Variants in RBFOX1 observed in about 807,000 individuals in gnomAD.
RBFOX1 encodes RNA binding protein fox-1 homolog 1.
RBFOX1 carries 8 observed loss-of-function variants against 57.7 expected under a neutral mutation model. The observed-to-expected ratio is 0.14, with a 90% CI of 0.08 to 0.25. The LOEUF (loss-of-function observed/expected upper bound fraction) is 0.25, where lower values mean the gene tolerates loss of function less well. Ranked by LOEUF, RBFOX1 falls within the 10% of genes least tolerant of loss-of-function variation. The pLI is 1.00. For synonymous variants in RBFOX1, 326 were observed against 222.4 expected, an observed-to-expected ratio of 1.47 and a Z score of -4.15; for missense variants, 611 against 548.5, an observed-to-expected ratio of 1.11 and a Z score of -1.14.
intron 2 of RBFOX1, among the ~76,000 whole-genome samples, chr16:5,490,877 T>A (rs1176881040): frequency 6.6e-6 from 1 of 152,190 alleles, no homozygotes; most frequent in African/African-American, 2.4e-5. Context: ...ACAACAAGGA[T>A]ACGTCCTGGG....
intron 1 of RBFOX1, among the ~76,000 whole-genome samples, chr16:6,228,949 C>A (rs1318890176): frequency 1.3e-5 from 2 of 151,808 alleles, no homozygotes; most frequent in Non-Finnish European, 1.5e-5. Flanking sequence ...TAGAAACAAA[C>A]AAAAGTAGAG....
chr16:6,648,987 A>T lies in RBFOX1; in HGVS notation c.-63-5616A>T, dbSNP rs536008627. On this transcript the variant is annotated intron_variant, in intron 2 of 15. Transcript: ENST00000550418. The stretch of plus-strand genomic sequence containing the variant: ...TAGAACACATAACATCTACTTTCTT[A>T]GCAATTTTCAAGATTACAACATGTT... Among the ~76,000 whole-genome samples the T allele has an allele frequency of 3.3e-5, 5 of 152,244 alleles. No homozygotes were observed. The East Asian group carries it at 9.7e-4, about 29-fold the overall frequency.
At chr16:7,401,392 C>G (rs1252161011) in intron 4 of RBFOX1, among the ~76,000 whole-genome samples, 4 of 152,158 alleles carry the variant, frequency 2.6e-5, no homozygotes, top group Non-Finnish European at 5.9e-5. Context: ...GATAAACTTT[C>G]AACTTCAACA....
At chr16:6,887,621 C>T (rs535621701) in intron 3 of RBFOX1, among the ~76,000 whole-genome samples, 10 of 151,714 alleles carry the variant, frequency 6.6e-5, no homozygotes, top group African/African-American at 2.4e-4. Context: ...AGTTAGTAAC[C>T]CTAGTTTTAG....
intron 5 of RBFOX1, among the ~76,000 whole-genome samples, chr16:7,568,572 T>C (rs1248113483): frequency 6.6e-6 from 1 of 152,116 alleles, no homozygotes; most frequent in Non-Finnish European, 1.5e-5. Context: ...GCTGACCTCT[T>C]ATCTCATCCT....
chr16:6,498,666 G>A (rs1374396536), intron 2 of RBFOX1, among the ~76,000 whole-genome samples: 1 of 152,170 alleles, frequency 6.6e-6, no homozygotes, highest in African/African-American at 2.4e-5. Context: ...TTCGATAAGG[G>A]TTTCTAAAGA....
intron 4 of RBFOX1, among the ~76,000 whole-genome samples, chr16:7,327,612 C>G (rs2096627877): frequency 1.3e-5 from 2 of 152,106 alleles, no homozygotes; most frequent in South Asian, 4.2e-4. Context: ...CTGACAGCTT[C>G]TTTTTAGATA....
intron 2 of RBFOX1, among the ~76,000 whole-genome samples, chr16:6,361,840 G>C (rs1267204953): frequency 2.6e-5 from 4 of 152,042 alleles, no homozygotes; most frequent in Middle Eastern, 3.2e-3. Context: ...GGAGTGCTAG[G>C]GAAGGAAAAG....
In RBFOX1 at chr16:5,538,752, G is replaced by T. The variant is rs373191936; in HGVS notation, c.259-60150G>T. On this transcript the variant is annotated intron_variant, in intron 2 of 2. Transcript: ENST00000585867. ...AGTGATTGTCCTGCCTTAGACTCCCGAGTAGCTGGGACTACAGGCACGCAC... is the reference window on the plus strand; with the variant it reads ...AGTGATTGTCCTGCCTTAGACTCCCTAGTAGCTGGGACTACAGGCACGCAC... Among the ~76,000 whole-genome samples, 35 of 151,822 alleles carry T rather than the reference G, an allele frequency of 2.3e-4. No homozygotes were observed. In the South Asian group the frequency reaches 7.1e-3, roughly 31 times the overall value.
intron 4 of RBFOX1, among the ~76,000 whole-genome samples, chr16:7,290,346 G>A (rs1332242748): frequency 6.6e-6 from 1 of 152,140 alleles, no homozygotes; most frequent in Non-Finnish European, 1.5e-5. Context: ...CTGCTATTGA[G>A]AAGATGCTGG....
At chr16:6,418,763 A>G (rs2093695764) in intron 2 of RBFOX1, among the ~76,000 whole-genome samples, 1 of 152,044 alleles carries the variant, frequency 6.6e-6, no homozygotes, top group South Asian at 2.1e-4. Context: ...CCTGGTCCTT[A>G]ATCAGTCCCC....
intron 3 of RBFOX1, among the ~76,000 whole-genome samples, chr16:6,798,572 T>C (rs568153654): frequency 1.3e-5 from 2 of 152,308 alleles, no homozygotes; most frequent in Non-Finnish European, 2.9e-5. Context: ...CTAACTAAGA[T>C]AACAGCTGTC....
chr16:7,481,052 G>T (rs1386657552), intron 4 of RBFOX1, among the ~76,000 whole-genome samples: 1 of 152,070 alleles, frequency 6.6e-6, no homozygotes, highest in Non-Finnish European at 1.5e-5. Flanking sequence ...AAACATCCTG[G>T]GCTTGAATTC....
At chr16:7,336,258 G>A (rs2096785074) in intron 4 of RBFOX1, among the ~76,000 whole-genome samples, 1 of 152,198 alleles carries the variant, frequency 6.6e-6, no homozygotes, top group South Asian at 2.1e-4. Flanking sequence ...TAACTGGTTA[G>A]GCTATTTGGT....
intron 4 of RBFOX1, among the ~76,000 whole-genome samples, chr16:5,914,408 G>A: frequency 6.6e-6 from 1 of 152,176 alleles, no homozygotes; most frequent in Non-Finnish European, 1.5e-5. Context: ...AGTCTCATCT[G>A]AATCCTGACT....
chr16:6,267,099 C>G (rs915085820), intron 1 of RBFOX1, among the ~76,000 whole-genome samples: 8 of 152,134 alleles, frequency 5.3e-5, no homozygotes, highest in African/African-American at 1.9e-4. Context: ...GAGTTCCCCA[C>G]AGCCACACAA....
At chr16:5,285,553 C>T (rs1262837226) in intron 1 of RBFOX1, among the ~76,000 whole-genome samples, 1 of 152,214 alleles carries the variant, frequency 6.6e-6, no homozygotes, top group Non-Finnish European at 1.5e-5. Context: ...ATGTGACTAT[C>T]TGTGCCTCTG....
intron 3 of RBFOX1, among the ~76,000 whole-genome samples, chr16:6,786,783 G>C (rs1244976450): frequency 6.6e-6 from 1 of 152,284 alleles, no homozygotes; most frequent in African/African-American, 2.4e-5. Context: ...CCCAATGGAA[G>C]TGGACATGAG....
At chr16:5,838,835 C>T (rs901082530) in intron 3 of RBFOX1, among the ~76,000 whole-genome samples, 4 of 152,156 alleles carry the variant, frequency 2.6e-5, no homozygotes, top group African/African-American at 9.7e-5. Flanking sequence ...GCACTTTTTG[C>T]AGACTACCTC....
Sources: gnomAD v4.1 joint callset for allele counts (sites outside exome capture counted in the v4.1 genomes callset) on GRCh38, gnomAD v4.1.1 for gene constraint, MANE v1.5 for transcripts, NCBI Gene and HGNC (gene_info 2026-07-23, HGNC 2026-07-21) for gene names.